PRKCB: variants seen among roughly 807,000 people sequenced by gnomAD.
PRKCB encodes the protein protein kinase C beta, also known as protein kinase C beta type.
PRKCB carries 13 observed loss-of-function variants against 81.5 expected under a neutral mutation model. The observed-to-expected ratio is 0.16, with a 90% CI of 0.10 to 0.25. The LOEUF (loss-of-function observed/expected upper bound fraction) is 0.25, where lower values mean the gene tolerates loss of function less well. Ranked by LOEUF, PRKCB falls within the 10% of genes least tolerant of loss-of-function variation. PRKCB has a pLI of 1.00. For synonymous variants in PRKCB, 335 were observed against 321.4 expected, an observed-to-expected ratio of 1.04 and a Z score of -0.45; for missense variants, 509 against 875.7, an observed-to-expected ratio of 0.58 and a Z score of 5.29.
intron 10 of PRKCB, among the ~76,000 whole-genome samples, chr16:24,156,972 G>T (rs1442680538): frequency 6.6e-6 from 1 of 152,142 alleles, no homozygotes; most frequent in African/African-American, 2.4e-5. Context: ...GATATGTTGA[G>T]AGTGGGAGAA....
intron 2 of PRKCB, among the ~76,000 whole-genome samples, chr16:23,959,176 C>G (rs977283835): frequency 1.3e-5 from 2 of 152,254 alleles, no homozygotes; most frequent in Admixed American, 6.5e-5. Context: ...TCCCTTACCC[C>G]CTGTGGATTA....
intron 2 of PRKCB, among the ~76,000 whole-genome samples, chr16:23,918,471 A>G (rs894064238): frequency 7.9e-5 from 12 of 151,982 alleles, no homozygotes; most frequent in African/African-American, 2.9e-4. Context: ...ATCTTGGCTC[A>G]CTGCAACCTC....
intron 3 of PRKCB, among the ~76,000 whole-genome samples, chr16:24,030,827 G>A (rs1596520153): frequency 6.6e-6 from 1 of 151,546 alleles, no homozygotes; most frequent in Non-Finnish European, 1.5e-5. Context: ...GAACCCAGGA[G>A]ACAGAGGTTG....
At chr16:23,867,489 A>G (rs990786173) in intron 2 of PRKCB, among the ~76,000 whole-genome samples, 1 of 152,224 alleles carries the variant, frequency 6.6e-6, no homozygotes, top group Non-Finnish European at 1.5e-5. Flanking sequence ...TTCATCTTCT[A>G]TGAATGTCTC....
chr16:24,172,939 A>G (rs927167104), intron 11 of PRKCB, among the ~76,000 whole-genome samples: 1 of 152,202 alleles, frequency 6.6e-6, no homozygotes, highest in African/African-American at 2.4e-5. Flanking sequence ...AACCTTGAGA[A>G]TAACTCTGGG....
chr16:24,057,303 A>G (rs886973354), intron 5 of PRKCB, among the ~76,000 whole-genome samples: 1 of 152,148 alleles, frequency 6.6e-6, no homozygotes, highest in Non-Finnish European at 1.5e-5. Flanking sequence ...TACAGAAGGG[A>G]AAAATGCAGC....
intron 2 of PRKCB, among the ~76,000 whole-genome samples, chr16:23,873,479 T>C (rs2141101134): frequency 6.6e-6 from 1 of 152,334 alleles, no homozygotes; most frequent in Non-Finnish European, 1.5e-5. Flanking sequence ...ATGGGTTTTC[T>C]GGTTCTTCTT....
chr16:24,041,760 A>C (rs890157334), intron 5 of PRKCB, among the ~76,000 whole-genome samples: 11 of 152,104 alleles, frequency 7.2e-5, no homozygotes, highest in Non-Finnish European at 1.3e-4. Context: ...TGGGAGGCTG[A>C]GGCGGCTGTA....
Position 24,220,371 on chromosome 16 carries a change from C to A in PRKCB, c.*5555C>A. On this transcript the variant is annotated 3_prime_UTR_variant, in exon 17 of 17. Coordinates refer to ENST00000643927, the MANE Select transcript of PRKCB (RefSeq NM_002738.7). ...TCCAGAAACTCATCAAATGAACAGACAATGTCAAAACTACTGTGTCTGATA... is the reference window on the plus strand; with the variant it reads ...TCCAGAAACTCATCAAATGAACAGAAAATGTCAAAACTACTGTGTCTGATA... The A allele has an allele frequency of 3.0e-6, 1 of 331,350 alleles. No homozygotes were observed. Among genetic ancestry groups the A allele is most frequent in the Non-Finnish European group, 5.5e-6 (1 of 182,590 alleles). 20.5% of individuals were successfully genotyped at this position (331,350 alleles called of 1,614,324 possible).
intron 2 of PRKCB, among the ~76,000 whole-genome samples, chr16:23,873,040 A>T (rs965760602): frequency 6.6e-6 from 1 of 151,704 alleles, no homozygotes; most frequent in East Asian, 1.9e-4. Flanking sequence ...AAATAAAAAA[A>T]AAATTAGCTG....
chr16:24,177,934 G>C (rs114500356), intron 12 of PRKCB, among the ~76,000 whole-genome samples: 1 of 152,090 alleles, frequency 6.6e-6, no homozygotes, highest in South Asian at 2.1e-4. Context: ...CATCGAGAAC[G>C]CTGATGGAAA....
intron 3 of PRKCB, among the ~76,000 whole-genome samples, chr16:23,989,210 C>A (rs540237493): frequency 6.6e-6 from 1 of 152,082 alleles, no homozygotes; most frequent in Non-Finnish European, 1.5e-5. Context: ...CGTGATCCGC[C>A]GCCTCGGCCT....
chr16:24,136,094 G>A (rs564760917), intron 9 of PRKCB, among the ~76,000 whole-genome samples: 3 of 143,342 alleles, frequency 2.1e-5, no homozygotes, highest in African/African-American at 8.0e-5. Flanking sequence ...TGATTGCAGC[G>A]TGTTTTTTTT....
chr16:23,989,349 T>C (rs1964846512), intron 3 of PRKCB, among the ~76,000 whole-genome samples: 2 of 152,108 alleles, frequency 1.3e-5, no homozygotes, highest in African/African-American at 4.8e-5. Flanking sequence ...CCTCCCAAAG[T>C]GTTGGGATTC....
At chr16:24,035,874 CT>C (rs1281952050) in intron 5 of PRKCB, among the ~76,000 whole-genome samples, 1 of 152,188 alleles carries the variant, frequency 6.6e-6, no homozygotes, top group African/African-American at 2.4e-5. Context: ...ATTTCCCACT[CT>C]TTTTTAGTAA....
chr16:24,094,879 GAAGAAGAAAGA>G (rs1270378923), intron 7 of PRKCB, among the ~76,000 whole-genome samples: 145 of 149,880 alleles, frequency 9.7e-4, no homozygotes, highest in African/African-American at 3.3e-3. Context: ...AAAGGGAAAG[GAAGAAGAAAGA>G]AAGAAGAAAG....
chr16:23,968,647 T>A (rs1347693845), intron 2 of PRKCB, among the ~76,000 whole-genome samples: 13 of 152,076 alleles, frequency 8.5e-5, no homozygotes, highest in Admixed American at 8.5e-4. Context: ...TCTGTAAGGG[T>A]CAGCCTTTTG....
chr16:24,071,651 C>T (rs1260678464), intron 5 of PRKCB, among the ~76,000 whole-genome samples: 4 of 151,982 alleles, frequency 2.6e-5, no homozygotes, highest in Admixed American at 1.3e-4. Flanking sequence ...GGCTTGTCCG[C>T]TCTGCACATG....
chr16:23,951,473 G>T (rs2141779223), intron 2 of PRKCB, among the ~76,000 whole-genome samples: 1 of 152,122 alleles, frequency 6.6e-6, no homozygotes, highest in South Asian at 2.1e-4. Context: ...CACCCAGGCT[G>T]GGGTACAGTG....
Sources: allele counts gnomAD v4.1 joint callset (sites outside exome capture counted in the v4.1 genomes callset), GRCh38; gene constraint gnomAD v4.1.1; transcripts MANE v1.5; gene names NCBI Gene and HGNC (gene_info 2026-07-23, HGNC 2026-07-21).